GOLM1: variants seen among roughly 807,000 people sequenced by gnomAD.
GOLM1 encodes the protein epididymis luminal protein 46.
Under a neutral mutation model 50.5 loss-of-function variants are expected in GOLM1, and 31 were observed. That is an observed-to-expected ratio of 0.61 (90% CI 0.46 to 0.83). The LOEUF (loss-of-function observed/expected upper bound fraction) is 0.83, where lower values mean the gene tolerates loss of function less well. Ranked by LOEUF, GOLM1 falls within the 40% of genes least tolerant of loss-of-function variation. The pLI, the probability that GOLM1 is intolerant of heterozygous loss-of-function variation, is 0.00. For missense variants in GOLM1, 491 were observed against 501.3 expected (o/e 0.98, Z 0.20); for synonymous variants, 178 against 192.8 (o/e 0.92, Z 0.64).
chr9:86,026,430 G>T lies in GOLM1; in HGVS notation c.*1387C>A. ...TGAATTGCAAACAGGGCCTGCTTCA[G>T]TGACTGTGTGCCTGTAGTCCCAGCT... On this transcript the variant is annotated 3_prime_UTR_variant, in exon 10 of 10. Coordinates refer to ENST00000388712, the MANE Select transcript of GOLM1 (RefSeq NM_016548.4). 3.0e-6 allele frequency: 3 copies of T among 985,180 alleles called. No homozygotes were observed. Among genetic ancestry groups the T allele is most frequent in the Non-Finnish European group, 3.6e-6 (3 of 829,694 alleles). 61.0% of individuals were successfully genotyped at this position (985,180 alleles called of 1,614,324 possible). A position where few individuals can be genotyped will look rare whatever the true frequency, so the allele number is the denominator to read the frequency against.
intron 6 of GOLM1, among the ~76,000 whole-genome samples, chr9:86,040,182 T>C (rs1038540990): frequency 2.6e-5 from 4 of 152,118 alleles, no homozygotes; most frequent in Non-Finnish European, 2.9e-5. Context: ...TGCATAACTT[T>C]GTGAATATAC....
chr9:86,027,199 A>C lies in GOLM1; in HGVS notation c.*618T>G, dbSNP rs2118588639. On this transcript the variant is annotated 3_prime_UTR_variant, in exon 10 of 10. Transcript: ENST00000388712. ...TTAAAAATGACAAGGGTTATTATAC[A>C]AGTAGCCTTTTAAAAAATTCTCACA... is the stretch of plus-strand genomic sequence containing the variant. 2 of 985,328 alleles carry C rather than the reference A, an allele frequency of 2.0e-6. No individual in the cohort carries two copies. Among genetic ancestry groups the C allele is most frequent in the South Asian group, 9.4e-5 (2 of 21,288 alleles). The allele number at this position is 985,328 out of a possible 1,614,324, so 61.0% of individuals were successfully genotyped here.
chr9:86,031,924 T>C (rs1270153064), intron 9 of GOLM1, among the ~76,000 whole-genome samples: 4 of 66,674 alleles, frequency 6.0e-5, no homozygotes, highest in Admixed American at 2.2e-4. Flanking sequence ...AGACTCCATC[T>C]CAAAAAAAAA....
At chr9:86,037,888 C>T (rs1833197458) in intron 6 of GOLM1, among the ~76,000 whole-genome samples, 1 of 152,136 alleles carries the variant, frequency 6.6e-6, no homozygotes, top group Non-Finnish European at 1.5e-5. Flanking sequence ...GGCGTGGTGG[C>T]TAATGCCTGT....
intron 3 of GOLM1, among the ~76,000 whole-genome samples, chr9:86,054,229 G>A (rs1833916214): frequency 6.6e-6 from 1 of 151,838 alleles, no homozygotes; most frequent in African/African-American, 2.4e-5. Context: ...TTTATGCCAG[G>A]AGCTCTTCTA....
rs1028838462 is a variant in GOLM1 at position 86,026,829 on chromosome 9, A to G, written c.*988T>C. 7 of 978,726 alleles carry G rather than the reference A, an allele frequency of 7.2e-6. No individual in the cohort carries two copies. In the African/African-American group the frequency reaches 1.2e-4, roughly 17 times the overall value. 60.6% of individuals were successfully genotyped at this position (978,726 alleles called of 1,614,324 possible). A position where few individuals can be genotyped will look rare whatever the true frequency, so the allele number is the denominator to read the frequency against. ...CATTTACCACAAGCTAAATGTGTACACTATGATAAAAACAACCATTGTATT... is the reference window on the plus strand; with the variant it reads ...CATTTACCACAAGCTAAATGTGTACGCTATGATAAAAACAACCATTGTATT... On this transcript the variant is annotated 3_prime_UTR_variant, in exon 10 of 10. Coordinates refer to ENST00000388712, the MANE Select transcript of GOLM1 (RefSeq NM_016548.4).
At chr9:86,068,207 GC>G (rs1834360476) in intron 3 of GOLM1, among the ~76,000 whole-genome samples, 1 of 152,120 alleles carries the variant, frequency 6.6e-6, no homozygotes, top group African/African-American at 2.4e-5. Context: ...GCACTTACAA[GC>G]TGAGGAACGT....
intron 3 of GOLM1, among the ~76,000 whole-genome samples, chr9:86,071,704 C>CATA (rs1220991491): frequency 6.6e-6 from 1 of 151,846 alleles, no homozygotes; most frequent in Admixed American, 6.6e-5. Flanking sequence ...ATAATAGTTT[C>CATA]ATAACGCAAC....
chr9:86,044,500 A>C (rs545528353), intron 5 of GOLM1, among the ~76,000 whole-genome samples: 1 of 152,352 alleles, frequency 6.6e-6, no homozygotes, highest in South Asian at 2.1e-4. Context: ...ATCCTTTCAG[A>C]ATGCAATTTG....
intron 3 of GOLM1, among the ~76,000 whole-genome samples, chr9:86,072,124 G>A (rs773300873): frequency 7.2e-5 from 11 of 152,122 alleles, no homozygotes; most frequent in East Asian, 1.9e-4. Context: ...GTTTTTGAAC[G>A]TGTATAGTAA....
chr9:86,083,558 T>C (rs768901628), intron 1 of GOLM1, among the ~76,000 whole-genome samples: 22 of 152,214 alleles, frequency 1.4e-4, no homozygotes, highest in Non-Finnish European at 2.5e-4. Flanking sequence ...CTAGTTTTTT[T>C]TGTACTTTTA....
At chr9:86,049,088 C>T (rs970965312) in intron 4 of GOLM1, among the ~76,000 whole-genome samples, 2 of 152,184 alleles carry the variant, frequency 1.3e-5, no homozygotes, top group Non-Finnish European at 2.9e-5. Context: ...CAGCTTTCTA[C>T]ATATGGATAG....
rs1832832968 is a variant in GOLM1 at position 86,027,838 on chromosome 9, T to C, written c.1185A>G (p.Glu395=). 1 of 1,613,362 alleles carries C rather than the reference T, an allele frequency of 6.2e-7. No homozygotes were observed. The highest frequency in any genetic ancestry group is 2.2e-5 in the East Asian group (1 of 44,858). Residue 395 remains glutamate, a synonymous_variant, in exon 10 of 10, where the codon GAA becomes GAG. Transcript: ENST00000388712. ...RDTINLLDQR[E]KRNHTL is the part of the protein sequence containing the mutation. ...CAATTCAGAGTGTATGATTCCGCTT[T>C]TCACGCTGATCAAGTAAATTTATGG...
chr9:86,053,473 T>TCCACA (rs1833849096), intron 3 of GOLM1, among the ~76,000 whole-genome samples: 2 of 22,396 alleles, frequency 8.9e-5, no homozygotes, highest in Non-Finnish European at 1.7e-4. Context: ...ACCACACCAC[T>TCCACA]CCATACCACA....
chr9:86,028,308 A>G (rs978353971), intron 9 of GOLM1, among the ~76,000 whole-genome samples: 3 of 152,224 alleles, frequency 2.0e-5, no homozygotes, highest in African/African-American at 7.2e-5. Context: ...CACTGGCAGA[A>G]GAACACATCG....
intron 3 of GOLM1, among the ~76,000 whole-genome samples, chr9:86,072,993 G>A (rs1834494832): frequency 6.6e-6 from 1 of 152,162 alleles, no homozygotes; most frequent in South Asian, 2.1e-4. Context: ...AGAATTTGAT[G>A]GGTCCATAAT....
At chr9:86,070,162 C>T (rs1230554637) in intron 3 of GOLM1, among the ~76,000 whole-genome samples, 1 of 152,154 alleles carries the variant, frequency 6.6e-6, no homozygotes, top group East Asian at 1.9e-4. Context: ...GGATTACAGG[C>T]GTGAGCCACC....
intron 3 of GOLM1, among the ~76,000 whole-genome samples, chr9:86,053,473 TCC>T (rs1833849002): frequency 2.2e-4 from 5 of 22,392 alleles, no homozygotes; most frequent in East Asian, 1.5e-3. Context: ...ACCACACCAC[TCC>T]ATACCACACA....
chr9:86,092,319 T>C (rs113331065), intron 1 of GOLM1, among the ~76,000 whole-genome samples: 99 of 152,354 alleles, frequency 6.5e-4, no homozygotes, highest in African/African-American at 2.1e-3. Context: ...CAGTGATGCA[T>C]GTTTTCCTTC....
Sources: gnomAD v4.1 joint callset for allele counts (sites outside exome capture counted in the v4.1 genomes callset) on GRCh38, gnomAD v4.1.1 for gene constraint, MANE v1.5 for transcripts, NCBI Gene and HGNC (gene_info 2026-07-23, HGNC 2026-07-21) for gene names.